ALDH1A3: variants seen among roughly 807,000 people sequenced by gnomAD.
The protein encoded by ALDH1A3 is aldehyde dehydrogenase 1 family member A3, also known as retinaldehyde dehydrogenase 3.
A neutral mutation model predicts 57.5 loss-of-function variants in ALDH1A3; 28 were observed. The observed-to-expected ratio is 0.49, with a 90% CI of 0.36 to 0.67. The LOEUF is 0.67. Among genes scored for constraint, ALDH1A3 ranks in the 30% least tolerant of loss-of-function variants. ALDH1A3 has a pLI of 0.00. For missense variants in ALDH1A3, 507 were observed against 669.4 expected, an observed-to-expected ratio of 0.76 and a Z score of 2.68; for synonymous variants, 281 against 264.8, an observed-to-expected ratio of 1.06 and a Z score of -0.59.
Position 100,887,712 on chromosome 15 carries a change from C to G in ALDH1A3, c.345C>G (p.Ala115=). The change falls in exon 3 of 13, where the codon GCC becomes GCG. Residue 115 remains alanine, a splice_region_variant and synonymous_variant. Transcript: ENST00000329841. The surrounding 1 kb of genome is among the most constrained non-coding windows in gnomAD (Gnocchi z 4.6). ...DLVERDRATL[A]ALETMDTGKP... ...TGGAGAGGGACCGCGCCACCTTGGC[C>G]GTGAGTACATGCACTTGGGGGCCGG... The G allele has an allele frequency of 6.3e-7, 1 of 1,596,444 alleles. No homozygotes were observed. Among genetic ancestry groups the G allele is most frequent in the South Asian group, 1.1e-5 (1 of 88,456 alleles).
chr15:100,902,180 CT>C (rs2041776669), intron 9 of ALDH1A3, among the ~76,000 whole-genome samples: 1 of 152,188 alleles, frequency 6.6e-6, no homozygotes, highest in African/African-American at 2.4e-5. Context: ...TTCTGTGGCT[CT>C]TTTCTTGGCT....
rs143258844 is a variant in ALDH1A3, at chr15:100,903,844, G to C, written c.1069-1679G>C. Among the ~76,000 whole-genome samples, 633 of 152,298 alleles carry C rather than the reference G, an allele frequency of 4.2e-3. 4 individuals are homozygous for C. The highest frequency in any genetic ancestry group is 0.014 in the African/African-American group (594 of 41,572). On this transcript the variant is annotated intron_variant, in intron 9 of 12. Coordinates refer to ENST00000329841, the MANE Select transcript of ALDH1A3 (RefSeq NM_000693.4). ...GCTTTGCGTATTTTTCTTGCAAGCT[G>C]TTAGGCATTTTTCTTATCACTTCTA...
chr15:100,907,890 C>G (rs1334200926), intron 11 of ALDH1A3, among the ~76,000 whole-genome samples: 2 of 137,056 alleles, frequency 1.5e-5, no homozygotes, highest in African/African-American at 5.4e-5. Context: ...GCTCTTTCCC[C>G]CAGGCAGGAG....
At position 100,907,854 on chromosome 15, in the gene ALDH1A3, T is replaced by C. The variant is rs1179830107; in HGVS notation, c.1392-554T>C. On this transcript the variant is annotated intron_variant, in intron 11 of 12. Coordinates refer to ENST00000329841, the MANE Select transcript of ALDH1A3 (RefSeq NM_000693.4). Reference sequence around the variant, plus strand: ...TTTCTTTCTTTCTTTCTTTTTTTTTTTTTTTTTTTTTTGAGATGGAGTCTT... The same window carrying C: ...TTTCTTTCTTTCTTTCTTTTTTTTTCTTTTTTTTTTTTGAGATGGAGTCTT... 1.3e-3 allele frequency among the ~76,000 whole-genome samples: 176 copies of C among 135,266 alleles called. 3 individuals are homozygous for C. The highest frequency in any genetic ancestry group is 4.8e-3 in the African/African-American group (176 of 36,834). 88.7% of individuals were successfully genotyped at this position (135,266 alleles called of 152,430 possible). A position where few individuals can be genotyped will look rare whatever the true frequency, so the allele number is the denominator to read the frequency against.
chr15:100,905,962 G>A (rs1020710662), intron 10 of ALDH1A3, among the ~76,000 whole-genome samples: 1 of 152,142 alleles, frequency 6.6e-6, no homozygotes, highest in East Asian at 1.9e-4. Context: ...CCCTCTCTGG[G>A]AGCAGCAAGC....
intron 7 of ALDH1A3, among the ~76,000 whole-genome samples, chr15:100,897,595 G>A (rs1316781763): frequency 1.3e-5 from 2 of 152,208 alleles, no homozygotes; most frequent in Non-Finnish European, 2.9e-5. Flanking sequence ...GGCTGCCCTC[G>A]CTACTTCTCT....
At position 100,884,565 on chromosome 15, in the gene ALDH1A3, G is replaced by GTT. The variant is rs58072985; in HGVS notation, c.100-688_100-687dup. Reference sequence around the variant, plus strand: ...TATCAAGCTTCGGAGGTTTTTCTGGGTTTTTTTTTTTTTTTGACATTTTAT... The same window carrying GTT: ...TATCAAGCTTCGGAGGTTTTTCTGGGTTTTTTTTTTTTTTTTTGACATTTTAT... On this transcript the variant is annotated intron_variant, in intron 1 of 12. Transcript: ENST00000329841. Among the ~76,000 whole-genome samples, 947 of 139,922 alleles carry GTT rather than the reference G, an allele frequency of 6.8e-3. 9 individuals are homozygous for GTT. Among genetic ancestry groups the GTT allele is most frequent in the African/African-American group, 0.017 (660 of 38,932 alleles). 91.8% of individuals were successfully genotyped at this position (139,922 alleles called of 152,430 possible).
intron 9 of ALDH1A3, among the ~76,000 whole-genome samples, chr15:100,902,235 G>A (rs1454682026): frequency 2.0e-5 from 3 of 152,080 alleles, no homozygotes; most frequent in African/African-American, 7.2e-5. Context: ...CAGATACACC[G>A]ATTTCTTCCA....
At chr15:100,903,194 G>A (rs541631633) in intron 9 of ALDH1A3, among the ~76,000 whole-genome samples, 287 of 101,154 alleles carry the variant, frequency 2.8e-3, no homozygotes, top group Non-Finnish European at 3.4e-3. Flanking sequence ...TTCTCCCCAC[G>A]GTATCCCCAG....
intron 1 of ALDH1A3, 75 bp from the exon 2 acceptor site, chr15:100,885,192 C>T (rs540000959): frequency 1.9e-6 from 2 of 1,054,084 alleles, no homozygotes; most frequent in South Asian, 1.3e-5. Context: ...TAAGACGTCA[C>T]CTAAGGTCCT....
At chr15:100,899,588 C>T (rs1238039197) in intron 8 of ALDH1A3, among the ~76,000 whole-genome samples, 1 of 152,154 alleles carries the variant, frequency 6.6e-6, no homozygotes, top group Non-Finnish European at 1.5e-5. Context: ...ATTCCCCTGC[C>T]CCTTCGCCTC....
At chr15:100,895,881 C>A (rs1233616626) in intron 6 of ALDH1A3, 52 bp from the exon 7 acceptor site, 5 of 1,470,564 alleles carry the variant, frequency 3.4e-6, no homozygotes, top group Non-Finnish European at 4.7e-6. Flanking sequence ...AATGTGGATC[C>A]GTGGTGGATG....
intron 12 of ALDH1A3, among the ~76,000 whole-genome samples, chr15:100,911,676 G>GAACT (rs1386667004): frequency 2.0e-5 from 3 of 152,222 alleles, no homozygotes; most frequent in African/African-American, 7.2e-5. Flanking sequence ...GGATAGCTTT[G>GAACT]AACTGCAAAG....
chr15:100,911,689 G>A (rs370530480), intron 12 of ALDH1A3, among the ~76,000 whole-genome samples: 130 of 152,344 alleles, frequency 8.5e-4, no homozygotes, highest in African/African-American at 2.6e-3. Context: ...CTGCAAAGTG[G>A]TTGAGACTGG....
intron 12 of ALDH1A3, among the ~76,000 whole-genome samples, chr15:100,911,365 C>T (rs1205604012): frequency 6.6e-6 from 1 of 152,246 alleles, no homozygotes; most frequent in African/African-American, 2.4e-5. Context: ...AATTCCTCTT[C>T]CTCCTGGGAG....
At chr15:100,897,954 G>A (rs2041724278) in intron 7 of ALDH1A3, 129 bp from the exon 8 acceptor site, 1 of 737,362 alleles carries the variant, frequency 1.4e-6, no homozygotes, top group Non-Finnish European at 2.3e-6. Context: ...TCGGGGCCTG[G>A]AGCGCCTGGG....
intron 7 of ALDH1A3, 69 bp from the exon 8 acceptor site, chr15:100,898,014 C>T (rs2041725587): frequency 2.1e-6 from 3 of 1,462,296 alleles, no homozygotes; most frequent in Non-Finnish European, 2.9e-6. Flanking sequence ...AGAATGTTCA[C>T]TGATGTTTAC....
In ALDH1A3 at chr15:100,894,724, A is replaced by G. The variant is rs1369717711; in HGVS notation, c.666+642A>G. 1 of 152,364 alleles carries G rather than the reference A, an allele frequency of 6.6e-6. No homozygotes were observed. Among genetic ancestry groups the G allele is most frequent in the Non-Finnish European group, 1.5e-5 (1 of 68,162 alleles). The allele number at this position is 152,364 out of a possible 1,614,324, so 9.4% of individuals were successfully genotyped here. A position where few individuals can be genotyped will look rare whatever the true frequency, so the allele number is the denominator to read the frequency against. On this transcript the variant is annotated intron_variant, in intron 6 of 12. Coordinates refer to ENST00000329841, the MANE Select transcript of ALDH1A3 (RefSeq NM_000693.4). This position sits in a 1 kb window ranked among gnomAD's most constrained non-coding sequence, Gnocchi z 4.5. ...CCTTTCTCTTCTTAGTCGGGCTGAT[A>G]TGACCGGCAGGCAGGTCCACAGTTG...
At chr15:100,885,200 C>G in intron 1 of ALDH1A3, 67 bp from the exon 2 acceptor site, 2 of 1,144,694 alleles carry the variant, frequency 1.7e-6, no homozygotes, top group South Asian at 2.5e-5. Flanking sequence ...CACCTAAGGT[C>G]CTTAGCATGT....
Sources: gnomAD v4.1 joint callset for allele counts (sites outside exome capture counted in the v4.1 genomes callset) on GRCh38, gnomAD v4.1.1 for gene constraint, Gnocchi (gnomAD v3.1) non-coding constraint, MANE v1.5 for transcripts, NCBI Gene and HGNC (gene_info 2026-07-23, HGNC 2026-07-21) for gene names.